The following C9orf72 variants were observed in gnomAD, a reference collection of about 807,000 sequenced individuals.
C9orf72 encodes guanine nucleotide exchange factor C9orf72.
A neutral mutation model predicts 51.6 loss-of-function variants in C9orf72; 44 were observed. The ratio of observed to expected loss-of-function variants is 0.85; its 90% CI spans 0.67 to 1.10. C9orf72 has a LOEUF of 1.10. C9orf72 is among the 50% of genes least tolerant of loss of function. The pLI is 0.00. For missense variants in C9orf72, 607 were observed against 570.6 expected (o/e 1.06, Z -0.65); for synonymous variants, 213 against 194.2 (o/e 1.10, Z -0.81).
At chr9:27,559,423 C>T (rs764267291) in intron 6 of C9orf72, 6 of 151,722 alleles carry the variant, frequency 4.0e-5, no homozygotes, top group Non-Finnish European at 8.8e-5. Context: ...TTCGTAGATG[C>T]AATATAATGA....
chr9:27,570,515 G>A (rs990572143), intron 1 of C9orf72, among the ~76,000 whole-genome samples: 2 of 151,876 alleles, frequency 1.3e-5, no homozygotes, highest in African/African-American at 2.4e-5. Context: ...CTTTTACCAC[G>A]TTGTGAAAAT....
chr9:27,550,624 C>A, intron 9 of C9orf72, 26 bp downstream of exon 9: 1 of 1,442,346 alleles, frequency 6.9e-7, no homozygotes, highest in East Asian at 2.3e-5. Context: ...ATCATTCACT[C>A]TGACAATCTC....
intron 9 of C9orf72, among the ~76,000 whole-genome samples, chr9:27,549,003 C>T (rs1820847860): frequency 6.6e-6 from 1 of 152,242 alleles, no homozygotes; most frequent in South Asian, 2.1e-4. Flanking sequence ...CGCTGCCACG[C>T]CCAGCTAATT....
chr9:27,553,523 A>C (rs977054335), intron 8 of C9orf72, among the ~76,000 whole-genome samples: 10 of 152,224 alleles, frequency 6.6e-5, no homozygotes, highest in Non-Finnish European at 1.5e-4. Flanking sequence ...TTGGAGTGAA[A>C]CTGGACCCCT....
chr9:27,560,676 C>T, intron 5 of C9orf72: 1 of 990,686 alleles, frequency 1.0e-6, no homozygotes, highest in African/African-American at 1.7e-5. Flanking sequence ...AGATACAGGA[C>T]TAAAGTGCTT....
Position 27,552,780 on chromosome 9 carries a change from T to C in C9orf72, c.1092-2073A>G, listed in dbSNP as rs1332199922. On this transcript the variant is annotated intron_variant, in intron 8 of 10. Transcript: ENST00000380003. ...GTGATGAATCACACTTATTGATTTG[T>C]GTATGTTGAACCAACCTTGCATCCC... Among the ~76,000 whole-genome samples the C allele has an allele frequency of 2.0e-5, 3 of 152,190 alleles. No homozygotes were observed. In the East Asian group the frequency reaches 5.8e-4, roughly 29 times the overall value.
intron 4 of C9orf72, 44 bp downstream of exon 4, chr9:27,562,337 C>T (rs1466701944): frequency 1.0e-6 from 1 of 955,474 alleles, no homozygotes; most frequent in Non-Finnish European, 1.6e-6. Flanking sequence ...TACTATAACC[C>T]CAAAAAACTC....
chr9:27,567,006 G>C lies in C9orf72; in HGVS notation c.115C>G (p.Pro39Ala). ...GGAGCCCAAATGTGCCTTACTCTAGGACCAAGAATATTGTCCCAGTAAGCA... is the reference window on the plus strand; with the variant it reads ...GGAGCCCAAATGTGCCTTACTCTAGCACCAAGAATATTGTCCCAGTAAGCA... Reference protein sequence around the residue: ...TFAYWDNILGPRVRHIWAPKT... With the variant: ...TFAYWDNILGARVRHIWAPKT... Residue 39 changes from proline to alanine, a missense_variant, in exon 2 of 11, where the codon CCT becomes GCT. Physicochemically the swap from Pro to Ala is conservative, Grantham distance 27 (BLOSUM62 -1). Transcript: ENST00000380003. 6.2e-7 allele frequency: 1 copy of C among 1,614,014 alleles called. No homozygotes were observed.
intron 1 of C9orf72, among the ~76,000 whole-genome samples, chr9:27,569,191 A>C (rs1819534597): frequency 6.6e-6 from 1 of 152,242 alleles, no homozygotes; most frequent in Non-Finnish European, 1.5e-5. Context: ...CAAGCTAAGT[A>C]TTTTAAAAGT....
chr9:27,568,086 C>CAAAAAAAAAAAAAA (rs11418499), intron 1 of C9orf72, among the ~76,000 whole-genome samples: 14 of 80,558 alleles, frequency 1.7e-4, no homozygotes, highest in South Asian at 5.1e-4. Context: ...GCTAAAAGGT[C>CAAAAAAAAAAAAAA]AAAAAAAAAA....
intron 8 of C9orf72, chr9:27,554,682 G>T: frequency 2.5e-6 from 1 of 398,104 alleles, no homozygotes; most frequent in South Asian, 1.3e-4. Context: ...TATTGGCAGT[G>T]ACTGGAATTA....
chr9:27,566,999 A>C lies in C9orf72; in HGVS notation c.122T>G (p.Val41Gly), dbSNP rs781240158. 2 of 1,614,096 alleles carry C rather than the reference A, an allele frequency of 1.2e-6. No homozygotes were observed. The highest frequency in any genetic ancestry group is 2.2e-5 in the East Asian group (1 of 44,878). ...AYWDNILGPRVRHIWAPKTEQ... is the reference protein window; with the variant it reads ...AYWDNILGPRGRHIWAPKTEQ... ...TGTCTTTGGAGCCCAAATGTGCCTT[A>C]CTCTAGGACCAAGAATATTGTCCCA... The change falls in exon 2 of 11, where the codon GTA becomes GGA. Residue 41 changes from valine (V) to glycine (G), a missense_variant. Coordinates refer to ENST00000380003, the MANE Select transcript of C9orf72 (RefSeq NM_018325.5).
At chr9:27,554,544 TG>T (rs1489284250) in intron 8 of C9orf72, 1 of 398,290 alleles carries the variant, frequency 2.5e-6, no homozygotes, top group Non-Finnish European at 4.4e-6. Context: ...GCTTATTACC[TG>T]GGTAATGAAA....
At chr9:27,558,692 T>A in intron 6 of C9orf72, 85 bp from the exon 7 acceptor site, 1 of 693,180 alleles carries the variant, frequency 1.4e-6, no homozygotes, top group Non-Finnish European at 2.5e-6. Context: ...ATTTTAATTG[T>A]TATTATCAAT....
At chr9:27,569,515 T>C (rs549979671) in intron 1 of C9orf72, among the ~76,000 whole-genome samples, 22 of 152,170 alleles carry the variant, frequency 1.4e-4, no homozygotes, top group African/African-American at 5.1e-4. Context: ...CTGTCTATAG[T>C]ATTCAGTACA....
intron 1 of C9orf72, among the ~76,000 whole-genome samples, chr9:27,573,133 T>G (rs1266568846): frequency 6.6e-6 from 1 of 151,774 alleles, no homozygotes; most frequent in Non-Finnish European, 1.5e-5. Context: ...TCCCAGCGGG[T>G]CCCCGGGAAG....
In C9orf72 at chr9:27,566,802, G is replaced by A. The variant is rs1819477480; in HGVS notation, c.319C>T (p.Arg107Cys). Reference protein sequence around the residue: ...LIFDGNWNGDRSTYGLSIILP... With the variant: ...LIFDGNWNGDCSTYGLSIILP... ...ATAATTGATAGTCCATATGTGCTGC[G>A]ATCCCCATTCCAGTTTCCATCAAAG... The change falls in exon 2 of 11, where the codon CGC becomes TGC. Residue 107 changes from arginine to cysteine, a missense_variant. By Grantham distance (180) the Arg-to-Cys change is radical. Transcript: ENST00000380003. 4 of 1,613,718 alleles carry A rather than the reference G, an allele frequency of 2.5e-6. No homozygotes were observed. The highest frequency in any genetic ancestry group is 1.7e-5 in the Admixed American group (1 of 59,958).
intron 7 of C9orf72, among the ~76,000 whole-genome samples, chr9:27,557,834 C>T (rs1233530117): frequency 1.3e-5 from 2 of 151,798 alleles, no homozygotes; most frequent in Non-Finnish European, 2.9e-5. Context: ...TTTCATTTTG[C>T]CGTGGCTACA....
intron 8 of C9orf72, among the ~76,000 whole-genome samples, chr9:27,551,752 T>C (rs1248169670): frequency 6.9e-6 from 1 of 145,328 alleles, no homozygotes; most frequent in African/African-American, 2.9e-5. Context: ...AGTGGACTTA[T>C]TATACCTGTT....
Sources: gnomAD v4.1 joint callset for allele counts (sites outside exome capture counted in the v4.1 genomes callset) on GRCh38, gnomAD v4.1.1 for gene constraint, MANE v1.5 for transcripts, NCBI Gene and HGNC (gene_info 2026-07-23, HGNC 2026-07-21) for gene names.